DENND4C: variants seen among roughly 807,000 people sequenced by gnomAD.
The protein encoded by DENND4C is DENN domain-containing protein 4C.
DENND4C carries 108 observed loss-of-function variants against 203.0 expected under a neutral mutation model. That is an observed-to-expected ratio of 0.53 (90% CI 0.46 to 0.62). DENND4C has a LOEUF of 0.62. DENND4C is among the 20% of genes least tolerant of loss of function. DENND4C has a pLI of 0.00. For synonymous variants in DENND4C, 871 were observed against 792.4 expected, an observed-to-expected ratio of 1.10 and a Z score of -1.67; for missense variants, 2,481 against 2,301.2, an observed-to-expected ratio of 1.08 and a Z score of -1.60.
Position 19,370,558 on chromosome 9 carries a change from A to G in DENND4C, c.5675+571A>G, listed in dbSNP as rs1589003299. On this transcript the variant is annotated intron_variant, in intron 31 of 32. Coordinates refer to ENST00000434457, the MANE Select transcript of DENND4C (RefSeq NM_001330640.2). ...CATTACTGCTGTTTGCTGGAAACCT[A>G]TAATTATATTTATTAACATTGATAA... Among the ~76,000 whole-genome samples, 5 of 152,174 alleles carry G rather than the reference A, an allele frequency of 3.3e-5. No homozygotes were observed. In the South Asian group the frequency reaches 8.3e-4, roughly 25 times the overall value.
At chr9:19,308,776 G>A (rs1037415718) in intron 10 of DENND4C, among the ~76,000 whole-genome samples, 1 of 152,054 alleles carries the variant, frequency 6.6e-6, no homozygotes, top group Non-Finnish European at 1.5e-5. Flanking sequence ...TAAGTTGTGA[G>A]GTTTGCCTCT....
intron 1 of DENND4C, among the ~76,000 whole-genome samples, chr9:19,263,075 G>T (rs561616294): frequency 2.0e-5 from 3 of 152,286 alleles, no homozygotes; most frequent in African/African-American, 7.2e-5. Flanking sequence ...TTATGGGTCT[G>T]TTGTATATAG....
chr9:19,324,635 G>A, intron 13 of DENND4C, 128 bp downstream of exon 13: 6 of 944,286 alleles, frequency 6.4e-6, no homozygotes, highest in Non-Finnish European at 9.4e-6. Flanking sequence ...GTGTGTATGT[G>A]TTACCGATTC....
chr9:19,354,698 A>C, intron 26 of DENND4C, among the ~76,000 whole-genome samples: 1 of 149,228 alleles, frequency 6.7e-6, no homozygotes, highest in East Asian at 2.0e-4. Flanking sequence ...AGTGCCCACC[A>C]CCATGCCCAG....
intron 21 of DENND4C, 61 bp downstream of exon 21, chr9:19,341,175 A>T: frequency 6.2e-6 from 8 of 1,295,384 alleles, no homozygotes; most frequent in Non-Finnish European, 8.3e-6. Context: ...AATAATTAAA[A>T]GTTTATCTTA....
intron 22 of DENND4C, among the ~76,000 whole-genome samples, chr9:19,343,749 A>G (rs1331322464): frequency 6.6e-6 from 1 of 152,232 alleles, no homozygotes; most frequent in East Asian, 1.9e-4. Flanking sequence ...GAGGCTTAGA[A>G]TCCTCTCAAA....
chr9:19,351,671 G>A (rs969516627), intron 24 of DENND4C, among the ~76,000 whole-genome samples: 1 of 151,956 alleles, frequency 6.6e-6, no homozygotes, highest in African/African-American at 2.4e-5. Flanking sequence ...GCCAGGCGTG[G>A]CAGCGTGCGC....
chr9:19,352,141 AATACCAGC>A lies in DENND4C; in HGVS notation c.4567_4574del (p.Thr1523ValfsTer2). On this transcript the variant is annotated frameshift_variant, in exon 25 of 33. Transcript: ENST00000434457. LOFTEE classifies it high-confidence loss of function. ...AAAATCAGATCATGGTTCTTCTCAA[AATACCAGC>A]ATGTCTAGCATCTATCAGAATTGTG... 1 of 1,613,968 alleles carries A rather than the reference AATACCAGC, an allele frequency of 6.2e-7. No individual in the cohort carries two copies. Among genetic ancestry groups the A allele is most frequent in the Non-Finnish European group, 8.5e-7 (1 of 1,179,928 alleles).
At chr9:19,312,398 C>T (rs982891396) in intron 10 of DENND4C, among the ~76,000 whole-genome samples, 10 of 152,142 alleles carry the variant, frequency 6.6e-5, no homozygotes, top group African/African-American at 1.4e-4. Context: ...CCACCATGCC[C>T]GGCTACAAAT....
intron 1 of DENND4C, among the ~76,000 whole-genome samples, chr9:19,244,111 G>A (rs961954264): frequency 2.0e-5 from 3 of 151,814 alleles, no homozygotes; most frequent in African/African-American, 4.8e-5. Context: ...GCTCACTGCC[G>A]CCTCCGCCTC....
intron 1 of DENND4C, among the ~76,000 whole-genome samples, chr9:19,254,828 T>A (rs1030477921): frequency 2.6e-5 from 4 of 152,174 alleles, no homozygotes; most frequent in African/African-American, 9.7e-5. Flanking sequence ...ATTACATGTT[T>A]TAAAATTAAA....
At chr9:19,239,165 C>G (rs757367680) in intron 1 of DENND4C, among the ~76,000 whole-genome samples, 2 of 151,796 alleles carry the variant, frequency 1.3e-5, no homozygotes, top group Non-Finnish European at 2.9e-5. Flanking sequence ...TTTTTTTCCC[C>G]GAGCGTCTTG....
At chr9:19,347,124 G>T in intron 23 of DENND4C, 38 bp downstream of exon 23, 1 of 1,545,796 alleles carries the variant, frequency 6.5e-7, no homozygotes, top group Non-Finnish European at 8.9e-7. Context: ...TCTGCTATTG[G>T]AGTGTTTATA....
chr9:19,368,308 T>C (rs1371326107), intron 30 of DENND4C, among the ~76,000 whole-genome samples: 2 of 151,374 alleles, frequency 1.3e-5, no homozygotes, highest in African/African-American at 2.4e-5. Context: ...TTACCAGTTG[T>C]CTTTATTTAG....
chr9:19,249,061 G>C (rs73425040), intron 1 of DENND4C, among the ~76,000 whole-genome samples: 4,760 of 152,166 alleles, frequency 0.031, 238 homozygotes, highest in African/African-American at 0.11. Flanking sequence ...AAAGTGCTGG[G>C]ATTACAGGTG....
chr9:19,344,982 G>T (rs1822524382), intron 22 of DENND4C, among the ~76,000 whole-genome samples: 2 of 152,072 alleles, frequency 1.3e-5, no homozygotes, highest in African/African-American at 4.8e-5. Context: ...TCCTTTAAGG[G>T]CTCTAATCCC....
intron 1 of DENND4C, among the ~76,000 whole-genome samples, chr9:19,236,420 A>G (rs1461402916): frequency 2.0e-5 from 3 of 152,216 alleles, no homozygotes; most frequent in Non-Finnish European, 4.4e-5. Context: ...AAATGTGATG[A>G]AGTTTATTAA....
chr9:19,356,491 A>G (rs545008024), intron 26 of DENND4C, among the ~76,000 whole-genome samples: 3 of 152,268 alleles, frequency 2.0e-5, no homozygotes, highest in South Asian at 2.1e-4. Flanking sequence ...TAAGATGTAA[A>G]TAAAACAATG....
intron 1 of DENND4C, among the ~76,000 whole-genome samples, chr9:19,260,522 C>T (rs555019207): frequency 1.4e-4 from 22 of 152,106 alleles, no homozygotes; most frequent in South Asian, 4.1e-4. Flanking sequence ...CTCAGCCTCC[C>T]GAGTAGCTGG....
Sources: gnomAD v4.1 joint callset for allele counts (sites outside exome capture counted in the v4.1 genomes callset) on GRCh38, gnomAD v4.1.1 for gene constraint, MANE v1.5 for transcripts, NCBI Gene and HGNC (gene_info 2026-07-23, HGNC 2026-07-21) for gene names.